The following RAB4A variants were observed in gnomAD, a reference collection of about 807,000 sequenced individuals.
The protein encoded by RAB4A is RAB4A, member RAS oncogene family, also known as ras-related protein Rab-4A.
Under a neutral mutation model 34.5 loss-of-function variants are expected in RAB4A, and 20 were observed. That is an observed-to-expected ratio of 0.58 (90% CI 0.41 to 0.84). The LOEUF (loss-of-function observed/expected upper bound fraction) is 0.84, where lower values mean the gene tolerates loss of function less well. RAB4A is among the 40% of genes least tolerant of loss of function. The probability of loss-of-function intolerance (pLI) is 0.00; values close to 1 mark genes in which losing one functional copy is unlikely to be tolerated. For synonymous variants in RAB4A, 102 were observed against 100.0 expected, an observed-to-expected ratio of 1.02 and a Z score of -0.12; for missense variants, 228 against 274.5, an observed-to-expected ratio of 0.83 and a Z score of 1.20.
chr1:229,303,235 C>T (rs1657464551), intron 7 of RAB4A, among the ~76,000 whole-genome samples: 1 of 151,942 alleles, frequency 6.6e-6, no homozygotes, highest in African/African-American at 2.4e-5. Context: ...TGGTGGCGTG[C>T]ACCTGTAGTC....
chr1:229,288,626 A>G (rs1019779065), intron 2 of RAB4A, 103 bp from the exon 3 acceptor site: 8 of 636,996 alleles, frequency 1.3e-5, no homozygotes, highest in Middle Eastern at 4.3e-4. Flanking sequence ...AGTAATGTCC[A>G]TTCCCCATTG....
intron 2 of RAB4A, among the ~76,000 whole-genome samples, 172 bp downstream of exon 2, chr1:229,286,738 A>T (rs892684480): frequency 2.6e-5 from 4 of 152,184 alleles, no homozygotes; most frequent in African/African-American, 9.7e-5. Context: ...TTAAGTTAGC[A>T]TTTCTATTTA....
chr1:229,271,889 C>T (rs1459277170), intron 1 of RAB4A, among the ~76,000 whole-genome samples: 2 of 152,154 alleles, frequency 1.3e-5, no homozygotes, highest in Non-Finnish European at 2.9e-5. Flanking sequence ...CCTCCGGAGA[C>T]CTCTTGCTTC....
At position 229,303,947 on chromosome 1, in the gene RAB4A, A is replaced by G. The variant is rs149627858; in HGVS notation, c.*154A>G. On this transcript the variant is annotated 3_prime_UTR_variant, in exon 8 of 8. Coordinates refer to ENST00000366690, the MANE Select transcript of RAB4A (RefSeq NM_004578.4). The stretch of plus-strand genomic sequence containing the variant: ...TTTGGGGTGTTCTGCAAGCCAGTCA[A>G]AGTGGCACAGCAAATCATATAAATC... 3.3e-5 allele frequency: 5 copies of G among 152,376 alleles called. No individual in the cohort carries two copies. The highest frequency in any genetic ancestry group is 7.3e-5 in the Non-Finnish European group (5 of 68,036). 9.4% of individuals were successfully genotyped at this position (152,376 alleles called of 1,614,324 possible).
chr1:229,304,348 C>T lies in RAB4A; in HGVS notation c.*555C>T, dbSNP rs1284078448. On this transcript the variant is annotated 3_prime_UTR_variant, in exon 8 of 8. Coordinates refer to ENST00000366690, the MANE Select transcript of RAB4A (RefSeq NM_004578.4). Reference sequence around the variant, plus strand: ...GTTTACGTGATCCACACTTGAAATACTAGATCAGTAGACATTCACTAATAT... The same window carrying T: ...GTTTACGTGATCCACACTTGAAATATTAGATCAGTAGACATTCACTAATAT... The T allele has an allele frequency of 1.3e-5, 2 of 152,052 alleles. No homozygotes were observed. The highest frequency in any genetic ancestry group is 4.8e-5 in the African/African-American group (2 of 41,408). The allele number at this position is 152,052 out of a possible 1,614,324, so 9.4% of individuals were successfully genotyped here.
intron 1 of RAB4A, among the ~76,000 whole-genome samples, chr1:229,277,571 C>G (rs1385716294): frequency 6.6e-6 from 1 of 151,404 alleles, no homozygotes; most frequent in Non-Finnish European, 1.5e-5. Flanking sequence ...TTGCTGTTAT[C>G]TGATGACCCT....
chr1:229,286,715 A>G, intron 2 of RAB4A, 149 bp downstream of exon 2: 1 of 547,786 alleles, frequency 1.8e-6, no homozygotes, highest in East Asian at 3.3e-5. Context: ...ACTTTGGGTG[A>G]TGTGATTTTT....
At chr1:229,278,251 A>G (rs773940626) in intron 1 of RAB4A, among the ~76,000 whole-genome samples, 1 of 151,942 alleles carries the variant, frequency 6.6e-6, no homozygotes, top group Non-Finnish European at 1.5e-5. Context: ...TTTTCTTTCA[A>G]CTACACACAC....
intron 1 of RAB4A, among the ~76,000 whole-genome samples, chr1:229,282,673 CT>C (rs944409328): frequency 6.6e-6 from 1 of 152,170 alleles, no homozygotes; most frequent in African/African-American, 2.4e-5. Flanking sequence ...ATTTTGTCAT[CT>C]AGTTCACTGA....
chr1:229,271,501 A>T, intron 1 of RAB4A, 131 bp downstream of exon 1: 3 of 666,136 alleles, frequency 4.5e-6, no homozygotes, highest in East Asian at 1.9e-4. Flanking sequence ...CGGATCTCGG[A>T]GGTGTCTGGG....
chr1:229,272,502 T>A (rs759594019), intron 1 of RAB4A, among the ~76,000 whole-genome samples: 1 of 152,078 alleles, frequency 6.6e-6, no homozygotes, highest in African/African-American at 2.4e-5. Context: ...CCAATTGTGA[T>A]ACTAATGAGT....
At chr1:229,277,648 G>A (rs918344774) in intron 1 of RAB4A, among the ~76,000 whole-genome samples, 5 of 151,322 alleles carry the variant, frequency 3.3e-5, no homozygotes, top group African/African-American at 2.5e-5. Context: ...ACTCCTGACT[G>A]ATCCTAGGTC....
intron 3 of RAB4A, among the ~76,000 whole-genome samples, chr1:229,290,139 G>C (rs1299919926): frequency 6.6e-6 from 1 of 152,192 alleles, no homozygotes; most frequent in African/African-American, 2.4e-5. Flanking sequence ...TTCCTCTGGA[G>C]TCCCAGAAAA....
chr1:229,302,257 TTATATATATATATATATATATA>T (rs58013219), intron 6 of RAB4A, among the ~76,000 whole-genome samples: 15 of 44,326 alleles, frequency 3.4e-4, no homozygotes, highest in Non-Finnish European at 5.4e-4. Flanking sequence ...CAGTAAATAA[TTATATATATATATATATATATA>T]TATATATATA....
rs543535640 is a variant in RAB4A, at chr1:229,295,167, G to T, written c.228-681G>T. 6.6e-5 allele frequency among the ~76,000 whole-genome samples: 10 copies of T among 152,012 alleles called. No individual in the cohort carries two copies. The East Asian group carries it at 1.9e-3, about 29-fold the overall frequency. On this transcript the variant is annotated intron_variant, in intron 3 of 7. Coordinates refer to ENST00000366690, the MANE Select transcript of RAB4A (RefSeq NM_004578.4). ...GGGTCTCTCTCTCTTACCCAGGCTGGTCTCAAACTCCTGGCCTCAAGCAGT... is the reference window on the plus strand; with the variant it reads ...GGGTCTCTCTCTCTTACCCAGGCTGTTCTCAAACTCCTGGCCTCAAGCAGT...
At chr1:229,295,352 C>CA (rs1157712147) in intron 3 of RAB4A, among the ~76,000 whole-genome samples, 1 of 152,154 alleles carries the variant, frequency 6.6e-6, no homozygotes, top group East Asian at 1.9e-4. Flanking sequence ...CTGGGACACT[C>CA]AGTTTTCCCG....
chr1:229,302,552 A>G (rs1657441791), intron 6 of RAB4A, among the ~76,000 whole-genome samples: 1 of 151,126 alleles, frequency 6.6e-6, no homozygotes, highest in Non-Finnish European at 1.5e-5. Flanking sequence ...AAATTATTTT[A>G]TATAAATAAT....
At chr1:229,274,344 C>T (rs759007583) in intron 1 of RAB4A, among the ~76,000 whole-genome samples, 1 of 152,064 alleles carries the variant, frequency 6.6e-6, no homozygotes, top group Non-Finnish European at 1.5e-5. Context: ...AGATCACAGG[C>T]ATGAGCCACT....
At chr1:229,286,438 C>G (rs780483764) in intron 1 of RAB4A, 48 bp from the exon 2 acceptor site, 1 of 1,158,114 alleles carries the variant, frequency 8.6e-7, no homozygotes, top group Non-Finnish European at 1.2e-6. Flanking sequence ...AGAAGAAATT[C>G]ACAGCACTAT....
Sources: allele counts gnomAD v4.1 joint callset (sites outside exome capture counted in the v4.1 genomes callset), GRCh38; gene constraint gnomAD v4.1.1; transcripts MANE v1.5; gene names NCBI Gene and HGNC (gene_info 2026-07-23, HGNC 2026-07-21).